The following SNPH variants were observed in gnomAD, a reference collection of about 807,000 sequenced individuals.
SNPH encodes the protein syntaphilin.
Under a neutral mutation model 36.8 loss-of-function variants are expected in SNPH, and 10 were observed. The observed-to-expected ratio is 0.27, with a 90% CI of 0.17 to 0.46. The LOEUF (loss-of-function observed/expected upper bound fraction) is 0.46. SNPH is among the 20% of genes least tolerant of loss of function. The probability of loss-of-function intolerance (pLI) is 1.00; values close to 1 mark genes in which losing one functional copy is unlikely to be tolerated. For missense variants in SNPH, 622 were observed against 744.0 expected, an observed-to-expected ratio of 0.84 and a Z score of 1.91; for synonymous variants, 281 against 312.2, an observed-to-expected ratio of 0.90 and a Z score of 1.05.
chr20:1,295,600 G>A (rs1400739691), intron 3 of SNPH, among the ~76,000 whole-genome samples, 176 bp from the exon 4 acceptor site: 1 of 152,262 alleles, frequency 6.6e-6, no homozygotes, highest in Non-Finnish European at 1.5e-5. Context: ...CCGCATGGGT[G>A]CGGGAGGACC....
At position 1,285,230 on chromosome 20, in the gene SNPH, G is replaced by T. The variant is rs1202941339; in HGVS notation, c.-492-9721G>T. 6.6e-6 allele frequency among the ~76,000 whole-genome samples: 1 copy of T among 152,226 alleles called. No individual in the cohort carries two copies. Among genetic ancestry groups the T allele is most frequent in the African/African-American group, 2.4e-5 (1 of 41,460 alleles). On this transcript the variant is annotated intron_variant, in intron 2 of 6. Coordinates refer to ENST00000381867, the MANE Select transcript of SNPH (RefSeq NM_001318234.2). The surrounding 1 kb of genome is among the most constrained non-coding windows in gnomAD (Gnocchi z 4.9). Reference sequence around the variant, plus strand: ...AAAATCAGAAATTCATATTTTGGATGTGTTAATTTTGAGATACTCTGTTAG... The same window carrying T: ...AAAATCAGAAATTCATATTTTGGATTTGTTAATTTTGAGATACTCTGTTAG...
At chr20:1,281,003 G>C (rs1040409962) in intron 2 of SNPH, among the ~76,000 whole-genome samples, 4 of 152,194 alleles carry the variant, frequency 2.6e-5, no homozygotes, top group East Asian at 3.8e-4. Flanking sequence ...TCTGGGTGGA[G>C]TGGGGGGTGT....
chr20:1,267,685 G>T (rs1011549114), intron 2 of SNPH, among the ~76,000 whole-genome samples: 1 of 152,170 alleles, frequency 6.6e-6, no homozygotes, highest in Non-Finnish European at 1.5e-5. Flanking sequence ...ATGTCAGGGG[G>T]ACCCCTCTGC....
At chr20:1,271,431 T>A (rs1187004885) in intron 2 of SNPH, among the ~76,000 whole-genome samples, 6 of 152,200 alleles carry the variant, frequency 3.9e-5, no homozygotes, top group Admixed American at 3.9e-4. Context: ...AACCTCTGCC[T>A]CCCGGGTTCA....
At chr20:1,279,669 C>CAAGCCTGGA (rs1281843376) in intron 2 of SNPH, among the ~76,000 whole-genome samples, 2 of 146,140 alleles carry the variant, frequency 1.4e-5, no homozygotes, top group Non-Finnish European at 3.0e-5. Flanking sequence ...AGTCTGTCAC[C>CAAGCCTGGA]AAGCCTGGAG....
At position 1,294,346 on chromosome 20, in the gene SNPH, C is replaced by T. The variant is rs556097822; in HGVS notation, c.-492-605C>T. 4.2e-4 allele frequency among the ~76,000 whole-genome samples: 64 copies of T among 152,284 alleles called. No individual in the cohort carries two copies. Among genetic ancestry groups the T allele is most frequent in the African/African-American group, 1.5e-3 (62 of 41,566 alleles). On this transcript the variant is annotated intron_variant, in intron 2 of 6. Coordinates refer to ENST00000381867, the MANE Select transcript of SNPH (RefSeq NM_001318234.2). This position sits in a 1 kb window ranked among gnomAD's most constrained non-coding sequence, Gnocchi z 4.4. ...GTGCCCCTCTGCACCCTAAGCTGTT[C>T]CTGGTCAAGATCCTCCTGTGCCCAG...
rs1449852384 is a variant in SNPH at position 1,306,568 on chromosome 20, C to T, written c.*514C>T. The T allele has an allele frequency of 6.6e-6, 1 of 152,660 alleles. No individual in the cohort carries two copies. Among genetic ancestry groups the T allele is most frequent in the Non-Finnish European group, 1.5e-5 (1 of 68,352 alleles). 9.5% of individuals were successfully genotyped at this position (152,660 alleles called of 1,614,324 possible). On this transcript the variant is annotated 3_prime_UTR_variant, in exon 7 of 7. Transcript: ENST00000381867. ...CATGGCCTGAAGTGCAGATCACTGA[C>T]CCAGGGCTCAGAGCAGAGGCCAGAA... is the stretch of plus-strand genomic sequence containing the variant.
intron 2 of SNPH, among the ~76,000 whole-genome samples, chr20:1,286,845 G>C (rs2088289899): frequency 6.6e-6 from 1 of 152,152 alleles, no homozygotes; most frequent in South Asian, 2.1e-4. Context: ...TGGGGGCTTT[G>C]TCTGTGGAAA....
In SNPH at chr20:1,306,125, C is replaced by T. The variant is rs1050095706; in HGVS notation, c.*71C>T. Reference sequence around the variant, plus strand: ...TAGGGATGCCGTTCCCCCCTCCCTTCTCCCATGGGCATCATCTTATTTATT... The same window carrying T: ...TAGGGATGCCGTTCCCCCCTCCCTTTTCCCATGGGCATCATCTTATTTATT... On this transcript the variant is annotated 3_prime_UTR_variant, in exon 7 of 7. Transcript: ENST00000381867. 2.2e-5 allele frequency: 26 copies of T among 1,186,224 alleles called. No individual in the cohort carries two copies. The highest frequency in any genetic ancestry group is 2.4e-5 in the Non-Finnish European group (21 of 891,484). The allele number at this position is 1,186,224 out of a possible 1,614,324, so 73.5% of individuals were successfully genotyped here. A position where few individuals can be genotyped will look rare whatever the true frequency, so the allele number is the denominator to read the frequency against.
At chr20:1,297,093 C>T (rs1600260616) in intron 4 of SNPH, 52 bp from the exon 5 acceptor site, 6 of 1,561,752 alleles carry the variant, frequency 3.8e-6, no homozygotes, top group African/African-American at 1.4e-5. Flanking sequence ...GCCCAGTGTC[C>T]GCAGCTGCCC....
Position 1,266,747 on chromosome 20 carries a change from G to A in SNPH, c.-506G>A. The stretch of plus-strand genomic sequence containing the variant: ...GTGCGAGCCGGCGGGGCTGCGGAGG[G>A]CCAGTGGACTCAGGTGAGGAGGCCG... On this transcript the variant is annotated 5_prime_UTR_variant, in exon 2 of 7. Coordinates refer to ENST00000381867, the MANE Select transcript of SNPH (RefSeq NM_001318234.2). This position sits in a 1 kb window ranked among gnomAD's most constrained non-coding sequence, Gnocchi z 6.0. The A allele has an allele frequency of 7.2e-7, 1 of 1,392,326 alleles. No individual in the cohort carries two copies. The highest frequency in any genetic ancestry group is 1.7e-5 in the South Asian group (1 of 59,122). 86.2% of individuals were successfully genotyped at this position (1,392,326 alleles called of 1,614,324 possible).
chr20:1,281,786 C>T (rs2088227270), intron 2 of SNPH, among the ~76,000 whole-genome samples: 1 of 152,244 alleles, frequency 6.6e-6, no homozygotes, highest in African/African-American at 2.4e-5. Flanking sequence ...GAGGAAGTGG[C>T]ACACAATAGA....
chr20:1,288,216 TCTC>T (rs2088307016), intron 2 of SNPH, among the ~76,000 whole-genome samples: 1 of 152,176 alleles, frequency 6.6e-6, no homozygotes, highest in Admixed American at 6.5e-5. Context: ...AAAAGAGAGA[TCTC>T]CTTCGACAGG....
At position 1,307,932 on chromosome 20, in the gene SNPH, G is replaced by C. The variant is rs966916209; in HGVS notation, c.*1878G>C. ...GACAAAACCAATCCAAAGCCAAGCC[G>C]GGACTGGCTGCGGACCCAGCCTCCT... is the stretch of plus-strand genomic sequence containing the variant. On this transcript the variant is annotated 3_prime_UTR_variant, in exon 7 of 7. Transcript: ENST00000381867. The C allele has an allele frequency of 5.2e-5, 8 of 152,702 alleles. No homozygotes were observed. Among genetic ancestry groups the C allele is most frequent in the Non-Finnish European group, 1.0e-4 (7 of 68,136 alleles). 9.5% of individuals were successfully genotyped at this position (152,702 alleles called of 1,614,324 possible). A position where few individuals can be genotyped will look rare whatever the true frequency, so the allele number is the denominator to read the frequency against.
chr20:1,299,402 A>C (rs1219624204), intron 5 of SNPH, among the ~76,000 whole-genome samples: 1 of 152,324 alleles, frequency 6.6e-6, no homozygotes, highest in African/African-American at 2.4e-5. Context: ...CCCAGGTTTT[A>C]AGCCAAGATC....
At chr20:1,296,741 TTTTA>T (rs1285554611) in intron 4 of SNPH, among the ~76,000 whole-genome samples, 1 of 152,114 alleles carries the variant, frequency 6.6e-6, no homozygotes, top group Middle Eastern at 3.2e-3. Context: ...GTCCCTTGGT[TTTTA>T]CCCCCGAGGC....
chr20:1,272,794 C>T (rs1407799145), intron 2 of SNPH, among the ~76,000 whole-genome samples: 1 of 152,256 alleles, frequency 6.6e-6, no homozygotes, highest in Non-Finnish European at 1.5e-5. Context: ...AGCTTGTGAT[C>T]TTCTGCTTCT....
chr20:1,302,632 G>A (rs1198070927), intron 6 of SNPH, among the ~76,000 whole-genome samples: 1 of 151,918 alleles, frequency 6.6e-6, no homozygotes, highest in African/African-American at 2.4e-5. Context: ...ATCACCGCCA[G>A]TTTCTCTCCA....
chr20:1,296,461 C>T (rs974353220), intron 4 of SNPH, 40 bp downstream of exon 4: 40 of 1,553,104 alleles, frequency 2.6e-5, no homozygotes, highest in East Asian at 7.3e-5. Flanking sequence ...CTTCGGAGGG[C>T]GGGAGGAGGG....
Sources: allele counts gnomAD v4.1 joint callset (sites outside exome capture counted in the v4.1 genomes callset), GRCh38; gene constraint gnomAD v4.1.1; non-coding constraint Gnocchi (gnomAD v3.1); transcripts MANE v1.5; gene names NCBI Gene and HGNC (gene_info 2026-07-23, HGNC 2026-07-21).